The following FHOD3 variants were observed in gnomAD, a reference collection of about 807,000 sequenced individuals.
The protein encoded by FHOD3 is formin homology 2 domain containing 3, also known as FH1/FH2 domain-containing protein 3.
In FHOD3, 90 loss-of-function variants were observed where a neutral mutation model predicts 173.0. The ratio of observed to expected loss-of-function variants is 0.52; its 90% CI spans 0.44 to 0.62. The LOEUF (loss-of-function observed/expected upper bound fraction) is 0.62, where lower values mean the gene tolerates loss of function less well. Among genes scored for constraint, FHOD3 ranks in the 20% least tolerant of loss-of-function variants. FHOD3 has a pLI of 0.00. For missense variants in FHOD3, 1,945 were observed against 2,034.7 expected, an observed-to-expected ratio of 0.96 and a Z score of 0.85; for synonymous variants, 828 against 823.0, an observed-to-expected ratio of 1.01 and a Z score of -0.10.
chr18:36,669,746 A>G (rs917031044), intron 14 of FHOD3, among the ~76,000 whole-genome samples: 1 of 151,982 alleles, frequency 6.6e-6, no homozygotes, highest in Non-Finnish European at 1.5e-5. Flanking sequence ...ACTCCACAAT[A>G]CATTGTTATT....
Position 36,693,416 on chromosome 18 carries a change from T to A in FHOD3, c.2229T>A (p.His743Gln), listed in dbSNP as rs781496146. 1.1e-5 allele frequency: 17 copies of A among 1,613,052 alleles called. No homozygotes were observed. The highest frequency in any genetic ancestry group is 1.4e-5 in the Non-Finnish European group (16 of 1,179,600). Residue 743 changes from histidine (H) to glutamine (Q), a missense_variant, in exon 17 of 29, where the codon CAT becomes CAA. Around this residue, in one of 5 missense-constraint regions of FHOD3, gnomAD observed 1,099 missense variants for 1,051.2 expected, o/e 1.05. Coordinates refer to ENST00000590592, the MANE Select transcript of FHOD3 (RefSeq NM_001281740.3). ...CCTCCTCCCCAGGAACCCCTCACCA[T>A]CCCCAAGGTGAGTACAGGGAGAGTA... ...VSASSPGTPHHPQASAGDPEP... is the reference protein window; with the variant it reads ...VSASSPGTPHQPQASAGDPEP...
At chr18:36,719,134 A>G (rs2040622284) in intron 19 of FHOD3, among the ~76,000 whole-genome samples, 1 of 152,226 alleles carries the variant, frequency 6.6e-6, no homozygotes. Flanking sequence ...TTTGAACTTT[A>G]TCTGTAACCA....
At chr18:36,502,614 A>G (rs1465771523) in intron 4 of FHOD3, among the ~76,000 whole-genome samples, 5 of 152,116 alleles carry the variant, frequency 3.3e-5, no homozygotes, top group Non-Finnish European at 7.4e-5. Context: ...ATGGGGGTAT[A>G]TGTGCCACAT....
At chr18:36,390,968 C>G (rs567823623) in intron 3 of FHOD3, among the ~76,000 whole-genome samples, 1 of 152,296 alleles carries the variant, frequency 6.6e-6, no homozygotes, top group South Asian at 2.1e-4. Context: ...GTTTTCTTTC[C>G]TCTTGCCCCA....
chr18:36,664,250 G>A (rs1156507101), intron 14 of FHOD3, among the ~76,000 whole-genome samples: 2 of 152,160 alleles, frequency 1.3e-5, no homozygotes, highest in African/African-American at 4.8e-5. Context: ...GTTTTTCTAT[G>A]TGACACAGTT....
intron 3 of FHOD3, among the ~76,000 whole-genome samples, chr18:36,397,671 G>T (rs987660449): frequency 6.6e-6 from 1 of 152,076 alleles, no homozygotes; most frequent in African/African-American, 2.4e-5. Context: ...CCTAAAAATG[G>T]TTACTTAGAA....
At position 36,601,237 on chromosome 18, in the gene FHOD3, C is replaced by G. The variant is rs186950477; in HGVS notation, c.719-1437C>G. Reference sequence around the variant, plus strand: ...TAGAAGATTGCCCAGTTCTGACTGGCTGGGCAACTTAGCCAAAGCAAAAGG... The same window carrying G: ...TAGAAGATTGCCCAGTTCTGACTGGGTGGGCAACTTAGCCAAAGCAAAAGG... On this transcript the variant is annotated intron_variant, in intron 7 of 28. Coordinates refer to ENST00000590592, the MANE Select transcript of FHOD3 (RefSeq NM_001281740.3). Among the ~76,000 whole-genome samples the G allele has an allele frequency of 1.8e-3, 275 of 152,318 alleles. 2 individuals are homozygous for G. The South Asian group carries it at 0.025, about 14-fold the overall frequency.
chr18:36,589,795 C>T (rs1277556131), intron 6 of FHOD3, among the ~76,000 whole-genome samples: 2 of 152,094 alleles, frequency 1.3e-5, no homozygotes, highest in East Asian at 1.9e-4. Context: ...CCCTGTACTC[C>T]TGTGTGACTG....
At chr18:36,298,549 G>T (rs932074102) in intron 1 of FHOD3, among the ~76,000 whole-genome samples, 1 of 152,142 alleles carries the variant, frequency 6.6e-6, no homozygotes, top group Non-Finnish European at 1.5e-5. Context: ...CGGGGGCGCC[G>T]CCGGGGACGC....
chr18:36,740,985 C>G, intron 21 of FHOD3, 147 bp downstream of exon 21: 2 of 730,232 alleles, frequency 2.7e-6, no homozygotes. Context: ...CGTGTGTACA[C>G]CAAGTGATCA....
At chr18:36,482,858 C>CACACACAG (rs1400178557) in intron 3 of FHOD3, among the ~76,000 whole-genome samples, 10 of 130,456 alleles carry the variant, frequency 7.7e-5, no homozygotes, top group African/African-American at 2.8e-4. Context: ...CACACACACA[C>CACACACAG]AGAGAGAGAG....
intron 3 of FHOD3, among the ~76,000 whole-genome samples, chr18:36,426,095 G>C (rs573431882): frequency 6.6e-6 from 1 of 151,692 alleles, no homozygotes; most frequent in African/African-American, 2.4e-5. Context: ...TAGTGGAGAC[G>C]GGGTTTCACC....
chr18:36,614,080 G>C (rs142619511), intron 9 of FHOD3, among the ~76,000 whole-genome samples: 3 of 152,084 alleles, frequency 2.0e-5, no homozygotes, highest in Non-Finnish European at 4.4e-5. Context: ...TCACAAGGTT[G>C]TACAATCATC....
At chr18:36,361,791 C>A (rs2046636580) in intron 2 of FHOD3, among the ~76,000 whole-genome samples, 1 of 152,076 alleles carries the variant, frequency 6.6e-6, no homozygotes, top group African/African-American at 2.4e-5. Context: ...TATTGCCACC[C>A]CCTGAAGAAC....
At chr18:36,324,755 A>C (rs965687483) in intron 1 of FHOD3, among the ~76,000 whole-genome samples, 3 of 152,178 alleles carry the variant, frequency 2.0e-5, no homozygotes, top group African/African-American at 7.2e-5. Context: ...ACACCCACAT[A>C]CCCACTTTTA....
intron 15 of FHOD3, among the ~76,000 whole-genome samples, chr18:36,686,430 C>T (rs1304807581): frequency 6.9e-6 from 1 of 145,492 alleles, no homozygotes; most frequent in Non-Finnish European, 1.5e-5. Context: ...AGGGAGGGGA[C>T]CTGTGTCCAT....
chr18:36,468,516 C>T (rs2053084629), intron 3 of FHOD3, among the ~76,000 whole-genome samples: 1 of 152,148 alleles, frequency 6.6e-6, no homozygotes, highest in Non-Finnish European at 1.5e-5. Context: ...GCCCGGAGCT[C>T]CTTCTGGCTG....
At chr18:36,351,003 G>A (rs1004733434) in intron 1 of FHOD3, among the ~76,000 whole-genome samples, 1 of 152,078 alleles carries the variant, frequency 6.6e-6, no homozygotes, top group African/African-American at 2.4e-5. Flanking sequence ...TTCCTCCTTG[G>A]CTCATGTGAT....
intron 3 of FHOD3, among the ~76,000 whole-genome samples, chr18:36,494,599 AG>A (rs35138938): frequency 6.6e-6 from 1 of 152,192 alleles, no homozygotes; most frequent in African/African-American, 2.4e-5. Flanking sequence ...CCTAAAAGTA[AG>A]GGATGTATAA....
Sources: allele counts gnomAD v4.1 joint callset (sites outside exome capture counted in the v4.1 genomes callset), GRCh38; gene constraint gnomAD v4.1.1; regional missense constraint gnomAD v4.1.1; transcripts MANE v1.5; gene names NCBI Gene and HGNC (gene_info 2026-07-23, HGNC 2026-07-21).